The following MRAP2 variants were observed in gnomAD, a reference collection of about 807,000 sequenced individuals.
MRAP2 encodes the protein melanocortin 2 receptor accessory protein 2.
Under a neutral mutation model 17.4 loss-of-function variants are expected in MRAP2, and 20 were observed. That is an observed-to-expected ratio of 1.15 (90% confidence interval 0.81 to 1.67). The LOEUF (loss-of-function observed/expected upper bound fraction) is 1.67, where lower values mean the gene tolerates loss of function less well. MRAP2 is among the 40% of genes most tolerant of loss of function. The pLI is 0.00. For synonymous variants in MRAP2, 96 were observed against 88.4 expected (o/e 1.09, Z -0.48); for missense variants, 238 against 240.0 (o/e 0.99, Z 0.05).
chr6:84,108,712 C>G, the MRAP2 span, among the ~76,000 whole-genome samples: 52 of 152,162 alleles, frequency 3.4e-4, no homozygotes, highest in Non-Finnish European at 6.3e-4. Flanking sequence ...GTTTCTGTTT[C>G]AAGTGCTATT....
the MRAP2 span, among the ~76,000 whole-genome samples, chr6:84,110,762 T>C: frequency 6.6e-6 from 1 of 152,216 alleles, no homozygotes. Flanking sequence ...TGATCCATCT[T>C]GAGTTAATTT....
chr6:84,060,519 A>G (rs1414276710), intron 2 of MRAP2, among the ~76,000 whole-genome samples: 1 of 152,234 alleles, frequency 6.6e-6, no homozygotes, highest in Non-Finnish European at 1.5e-5. Context: ...GCATTGGTGT[A>G]TAATTTTAGA....
the MRAP2 span, among the ~76,000 whole-genome samples, chr6:84,134,200 C>T: frequency 1.3e-5 from 2 of 152,172 alleles, no homozygotes; most frequent in Admixed American, 6.5e-5. Flanking sequence ...TGGTGGATGC[C>T]ACTCCCCCCA....
At chr6:84,064,003 C>A (rs1200386199) in intron 3 of MRAP2, among the ~76,000 whole-genome samples, 1 of 151,756 alleles carries the variant, frequency 6.6e-6, no homozygotes, top group Non-Finnish European at 1.5e-5. Context: ...CAAGGTCACA[C>A]CACCGCACTC....
At chr6:84,130,980 CT>C in the MRAP2 span, among the ~76,000 whole-genome samples, 1 of 152,158 alleles carries the variant, frequency 6.6e-6, no homozygotes, top group Non-Finnish European at 1.5e-5. Flanking sequence ...CCTGCTTTCT[CT>C]TGTGGGCATT....
At chr6:84,127,271 G>A in the MRAP2 span, among the ~76,000 whole-genome samples, 1 of 152,040 alleles carries the variant, frequency 6.6e-6, no homozygotes. Context: ...AAAATGGATA[G>A]AACTAACAAT....
chr6:84,042,499 C>T (rs1032852071), intron 1 of MRAP2, among the ~76,000 whole-genome samples: 3 of 152,170 alleles, frequency 2.0e-5, no homozygotes, highest in African/African-American at 7.2e-5. Context: ...AAACATAATC[C>T]TCCAGGTCTT....
the MRAP2 span, among the ~76,000 whole-genome samples, chr6:84,140,411 G>C: frequency 6.6e-6 from 1 of 152,120 alleles, no homozygotes; most frequent in African/African-American, 2.4e-5. Flanking sequence ...GAAGGTCTTT[G>C]TTTTCTTAGG....
At chr6:84,069,337 A>C (rs567375088) in intron 3 of MRAP2, among the ~76,000 whole-genome samples, 20 of 152,140 alleles carry the variant, frequency 1.3e-4, no homozygotes, top group Non-Finnish European at 2.6e-4. Flanking sequence ...CACTTTCTGC[A>C]TCTATTGAGA....
chr6:84,135,114 A>C, the MRAP2 span, among the ~76,000 whole-genome samples: 1 of 152,240 alleles, frequency 6.6e-6, no homozygotes, highest in East Asian at 1.9e-4. Context: ...TATAGAGCAA[A>C]ATATAACTAG....
At chr6:84,128,308 T>A in the MRAP2 span, among the ~76,000 whole-genome samples, 1 of 152,188 alleles carries the variant, frequency 6.6e-6, no homozygotes, top group Admixed American at 6.5e-5. Context: ...ACATATATTT[T>A]AAAAATCCTT....
chr6:84,034,908 C>A (rs1197720019), intron 1 of MRAP2, among the ~76,000 whole-genome samples: 1 of 152,026 alleles, frequency 6.6e-6, no homozygotes, highest in Admixed American at 6.6e-5. Context: ...GACTGTGAGT[C>A]TAGTTTCCTT....
downstream of MRAP2, among the ~76,000 whole-genome samples, chr6:84,091,555 A>T (rs1317523581): frequency 2.6e-5 from 4 of 152,118 alleles, no homozygotes; most frequent in Non-Finnish European, 5.9e-5. Context: ...TAATATGAGT[A>T]TGATTATTCA....
At chr6:84,045,393 C>A (rs1195799297) in intron 1 of MRAP2, 1 of 985,084 alleles carries the variant, frequency 1.0e-6, no homozygotes, top group Non-Finnish European at 1.2e-6. Flanking sequence ...GACCTCTGTG[C>A]TCTGGAGCCA....
At chr6:84,069,340 T>TGTAAAA (rs1433379551) in intron 3 of MRAP2, among the ~76,000 whole-genome samples, 9 of 152,218 alleles carry the variant, frequency 5.9e-5, no homozygotes, top group African/African-American at 1.9e-4. Flanking sequence ...TTTCTGCATC[T>TGTAAAA]ATTGAGATGA....
intron 2 of MRAP2, 87 bp downstream of exon 2, chr6:84,055,532 C>A: frequency 1.5e-6 from 2 of 1,361,444 alleles, no homozygotes; most frequent in Admixed American, 2.1e-5. Context: ...CCTGAGCATT[C>A]TTTCTTCTTT....
chr6:84,104,153 G>T, the MRAP2 span, among the ~76,000 whole-genome samples: 2 of 152,154 alleles, frequency 1.3e-5, no homozygotes, highest in Admixed American at 1.3e-4. Flanking sequence ...CAAGGCTTGG[G>T]GCTTGAATCC....
chr6:84,125,218 C>G, the MRAP2 span: 1 of 1,613,594 alleles, frequency 6.2e-7, no homozygotes, highest in Non-Finnish European at 8.5e-7. Context: ...CAGTCTTTTC[C>G]ATTTTTCAAC....
intron 3 of MRAP2, among the ~76,000 whole-genome samples, chr6:84,082,792 A>T (rs540512356): frequency 6.6e-6 from 1 of 151,998 alleles, no homozygotes; most frequent in Non-Finnish European, 1.5e-5. Context: ...TCTTTAATTC[A>T]TAGTACCCAC....
Sources: allele counts gnomAD v4.1 joint callset (sites outside exome capture counted in the v4.1 genomes callset), GRCh38; gene constraint gnomAD v4.1.1; transcripts MANE v1.5; gene names NCBI Gene and HGNC (gene_info 2026-07-23, HGNC 2026-07-21).